SHANK2: variants seen among roughly 807,000 people sequenced by gnomAD.
SHANK2 encodes the protein SH3 and multiple ankyrin repeat domains protein 2.
SHANK2 carries 43 observed loss-of-function variants against 133.7 expected under a neutral mutation model. That is an observed-to-expected ratio of 0.32 (90% CI 0.25 to 0.41). SHANK2 has a LOEUF of 0.41. Ranked by LOEUF, SHANK2 falls within the 10% of genes least tolerant of loss-of-function variation. The probability of loss-of-function intolerance (pLI) is 1.00; values close to 1 mark genes in which losing one functional copy is unlikely to be tolerated. For synonymous variants in SHANK2, 1,017 were observed against 952.8 expected (o/e 1.07, Z -1.24); for missense variants, 1,994 against 2,235.8 (o/e 0.89, Z 2.18).
chr11:71,079,691 C>T (rs1025976325), intron 8 of SHANK2, among the ~76,000 whole-genome samples: 9 of 149,932 alleles, frequency 6.0e-5, no homozygotes, highest in African/African-American at 1.5e-4. Flanking sequence ...ACCCGGGAGG[C>T]GGAGCTTGCA....
At chr11:70,916,842 G>A (rs1202148643) in intron 10 of SHANK2, among the ~76,000 whole-genome samples, 2 of 152,154 alleles carry the variant, frequency 1.3e-5, no homozygotes, top group East Asian at 3.9e-4. Context: ...AGGCTCTGGT[G>A]TCTTAATGTA....
At chr11:70,777,580 G>T (rs1947394087) in intron 14 of SHANK2, among the ~76,000 whole-genome samples, 1 of 151,936 alleles carries the variant, frequency 6.6e-6, no homozygotes, top group East Asian at 1.9e-4. Context: ...CCTACTCCAT[G>T]CCAGGCACTG....
chr11:70,487,615 G>A lies in SHANK2; in HGVS notation c.2678C>T (p.Ser893Phe). ...TSEDIPPPPQ[S>F]VPPSPPPPSP... ...AGGTGGTGGTGGGGACGGGGGCACA[G>A]ACTGCGGTGGAGGGGGGATGTCCTC... The change falls in exon 25 of 26, where the codon TCT becomes TTT. Residue 893 changes from serine to phenylalanine, a missense_variant. Coordinates refer to ENST00000601538, the MANE Select transcript of SHANK2 (RefSeq NM_012309.5). The surrounding 1 kb of genome is among the most constrained non-coding windows in gnomAD (Gnocchi z 5.8). The A allele has an allele frequency of 6.2e-7, 1 of 1,608,438 alleles. No individual in the cohort carries two copies. Among genetic ancestry groups the A allele is most frequent in the Non-Finnish European group, 8.5e-7 (1 of 1,177,354 alleles).
intron 18 of SHANK2, 62 bp downstream of exon 18, chr11:70,502,734 C>CGGGGGGGGGGG: frequency 5.9e-6 from 4 of 679,568 alleles, no homozygotes; most frequent in Non-Finnish European, 6.5e-6. Context: ...CTGTCCTGCC[C>CGGGGGGGGGGG]GCCCCCACCC....
rs1228817899 is a variant in SHANK2, at chr11:70,609,473, A to C, written c.2061+50355T>G. ...CCATGTGACCCAGTAATTCCACCAC[A>C]CAGGGAGGCAAAAACAAGCACGCAC... On this transcript the variant is annotated intron_variant, in intron 17 of 25. Transcript: ENST00000601538. 3.3e-5 allele frequency among the ~76,000 whole-genome samples: 5 copies of C among 152,324 alleles called. No individual in the cohort carries two copies. In the Middle Eastern group the frequency reaches 0.01, roughly 311 times the overall value.
At chr11:71,068,781 G>A (rs1048868489) in intron 9 of SHANK2, among the ~76,000 whole-genome samples, 47,812 of 152,060 alleles carry the variant, frequency 0.31, 7,983 homozygotes, top group African/African-American at 0.4. Flanking sequence ...AACCTCATTT[G>A]TTCTGCTGCA....
chr11:70,893,225 G>C (rs1329782957), intron 11 of SHANK2, among the ~76,000 whole-genome samples: 1 of 152,196 alleles, frequency 6.6e-6, no homozygotes, highest in African/African-American at 2.4e-5. Flanking sequence ...CAGAAGTTGG[G>C]CAGCTTTCTT....
intron 17 of SHANK2, among the ~76,000 whole-genome samples, chr11:70,539,915 T>C (rs1565111759): frequency 6.6e-6 from 1 of 152,176 alleles, no homozygotes. Context: ...CCAAGCATTT[T>C]TGTGCCCCTG....
At chr11:70,567,310 C>T (rs2059979817) in intron 17 of SHANK2, among the ~76,000 whole-genome samples, 1 of 152,096 alleles carries the variant, frequency 6.6e-6, no homozygotes, top group Admixed American at 6.6e-5. Flanking sequence ...GAGCCTTAAT[C>T]CCGGCTGACT....
chr11:71,088,009 CT>C (rs1694186560), intron 8 of SHANK2, among the ~76,000 whole-genome samples: 1 of 152,156 alleles, frequency 6.6e-6, no homozygotes, highest in South Asian at 2.1e-4. Flanking sequence ...GAATTTAAAC[CT>C]TCCTCTTCCT....
chr11:71,220,212 G>A (rs1211843014), intron 2 of SHANK2, among the ~76,000 whole-genome samples: 2 of 152,174 alleles, frequency 1.3e-5, no homozygotes, highest in Admixed American at 1.3e-4. Flanking sequence ...TCCAGCCTGG[G>A]TGACAGAGTG....
chr11:70,600,046 G>A (rs551492859), intron 17 of SHANK2, among the ~76,000 whole-genome samples: 1 of 152,222 alleles, frequency 6.6e-6, no homozygotes, highest in South Asian at 2.1e-4. Context: ...TCTATTCTGG[G>A]TCAATGCAAT....
At chr11:70,495,025 A>G (rs1347724458) in intron 21 of SHANK2, among the ~76,000 whole-genome samples, 1 of 152,218 alleles carries the variant, frequency 6.6e-6, no homozygotes, top group Non-Finnish European at 1.5e-5. Flanking sequence ...GGAACTGGTC[A>G]GGCACGGTAG....
At chr11:70,540,747 G>A (rs1168631954) in intron 17 of SHANK2, among the ~76,000 whole-genome samples, 18 of 149,690 alleles carry the variant, frequency 1.2e-4, no homozygotes, top group African/African-American at 4.2e-4. Flanking sequence ...GGTGGCGGGC[G>A]CCTGCAACGC....
At chr11:70,481,283 G>A (rs1225260976) in intron 25 of SHANK2, among the ~76,000 whole-genome samples, 3 of 152,180 alleles carry the variant, frequency 2.0e-5, no homozygotes, top group Non-Finnish European at 2.9e-5. Flanking sequence ...TAATTAAGAC[G>A]CCTGCAAATT....
intron 9 of SHANK2, among the ~76,000 whole-genome samples, chr11:71,061,539 C>T (rs1287189975): frequency 6.6e-6 from 1 of 152,148 alleles, no homozygotes; most frequent in Non-Finnish European, 1.5e-5. Flanking sequence ...GGATACCGGG[C>T]TTAGTGGCAG....
At chr11:70,871,108 C>CT (rs1949453483) in intron 11 of SHANK2, among the ~76,000 whole-genome samples, 1 of 152,162 alleles carries the variant, frequency 6.6e-6, no homozygotes, top group Non-Finnish European at 1.5e-5. Context: ...AATATCAGTC[C>CT]TACTGGATTA....
intron 11 of SHANK2, among the ~76,000 whole-genome samples, chr11:70,843,186 T>G (rs1948936976): frequency 7.1e-6 from 1 of 141,544 alleles, no homozygotes; most frequent in Non-Finnish European, 1.5e-5. Context: ...GTGGTGACTG[T>G]GACTGGGAGG....
At chr11:71,164,316 C>T (rs1349420328) in intron 2 of SHANK2, among the ~76,000 whole-genome samples, 8 of 152,226 alleles carry the variant, frequency 5.3e-5, no homozygotes, top group African/African-American at 1.9e-4. Context: ...TGCATCTCAG[C>T]AGTGTCTGTC....
Sources: gnomAD v4.1 joint callset for allele counts (sites outside exome capture counted in the v4.1 genomes callset) on GRCh38, gnomAD v4.1.1 for gene constraint, Gnocchi (gnomAD v3.1) non-coding constraint, MANE v1.5 for transcripts, NCBI Gene and HGNC (gene_info 2026-07-23, HGNC 2026-07-21) for gene names.